Variants in BASP1 observed in about 807,000 individuals in gnomAD.
The protein encoded by BASP1 is brain acid soluble protein 1.
In BASP1, 1 loss-of-function variant was observed where a neutral mutation model predicts 2.2. That is an observed-to-expected ratio of 0.46 (90% CI 0.16 to 2.17). BASP1 has a LOEUF of 2.17. Ranked by LOEUF, BASP1 falls within the 30% of genes most tolerant of loss-of-function variation. The probability of loss-of-function intolerance (pLI) is 0.27; values close to 1 mark genes in which losing one functional copy is unlikely to be tolerated. For missense variants in BASP1, 352 were observed against 327.2 expected (o/e 1.08, Z -0.58); for synonymous variants, 187 against 154.2 (o/e 1.21, Z -1.58).
chr5:17,217,613 AGCG>A (rs968902217), upstream of BASP1: 35 of 155,920 alleles, frequency 2.2e-4, no homozygotes, highest in Non-Finnish European at 4.0e-4. Flanking sequence ...CAGAGGCTGC[AGCG>A]GCGGCGGCGG....
At chr5:17,268,724 T>C (rs934705214) in intron 1 of BASP1, among the ~76,000 whole-genome samples, 1 of 152,298 alleles carries the variant, frequency 6.6e-6, no homozygotes, top group East Asian at 1.9e-4. Context: ...GTAGAGGAGA[T>C]TGTCTCTATT....
At position 17,233,279 on chromosome 5, in the gene BASP1, A is replaced by G. The variant is rs934148974; in HGVS notation, c.-10+15469A>G. ...CATCTCTATAATCTATGCCATAAAC[A>G]CTTGGCACTTTATTAAATCAATACT... On this transcript the variant is annotated intron_variant, in intron 1 of 1. Transcript: ENST00000322611. Among the ~76,000 whole-genome samples, 4 of 152,216 alleles carry G rather than the reference A, an allele frequency of 2.6e-5. No individual in the cohort carries two copies. In the East Asian group the frequency reaches 7.7e-4, roughly 29 times the overall value.
chr5:17,230,147 T>C (rs1029995339), intron 1 of BASP1, among the ~76,000 whole-genome samples: 1 of 152,176 alleles, frequency 6.6e-6, no homozygotes, highest in African/African-American at 2.4e-5. Flanking sequence ...GCCCTTCTTG[T>C]TCTAGACAGA....
rs888287310 is a variant in BASP1, at chr5:17,260,643, AG to A, written c.-9-14562del. Among the ~76,000 whole-genome samples, 1 of 152,188 alleles carries A rather than the reference AG, an allele frequency of 6.6e-6. No homozygotes were observed. The highest frequency in any genetic ancestry group is 2.4e-5 in the African/African-American group (1 of 41,444). ...AAGTTACATAACCCAACTTCTAGTCAGGGACTCTTCCATCTTACAGTTCATA... is the reference window on the plus strand; with the variant it reads ...AAGTTACATAACCCAACTTCTAGTCAGGACTCTTCCATCTTACAGTTCATA... On this transcript the variant is annotated intron_variant, in intron 1 of 1. Coordinates refer to ENST00000322611, the MANE Select transcript of BASP1 (RefSeq NM_006317.5). The surrounding 1 kb of genome is among the most constrained non-coding windows in gnomAD (Gnocchi z 4.2).
At chr5:17,274,045 T>A (rs1407156763) in intron 1 of BASP1, among the ~76,000 whole-genome samples, 1 of 152,166 alleles carries the variant, frequency 6.6e-6, no homozygotes, top group Non-Finnish European at 1.5e-5. Context: ...TATAAATTTA[T>A]AATTTATTAT....
chr5:17,275,209 A>G lies in BASP1; in HGVS notation c.-8A>G. 6.2e-7 allele frequency: 1 copy of G among 1,613,052 alleles called. No homozygotes were observed. The highest frequency in any genetic ancestry group is 1.1e-5 in the South Asian group (1 of 91,014). On this transcript the variant is annotated splice_region_variant and 5_prime_UTR_variant, in exon 2 of 2. Coordinates refer to ENST00000322611, the MANE Select transcript of BASP1 (RefSeq NM_006317.5). This position sits in a 1 kb window ranked among gnomAD's most constrained non-coding sequence, Gnocchi z 5.3. ...GTTTTGTTTTGTGTTTGCTTCCAGA[A>G]CTCCAAGATGGGAGGCAAGCTCAGC...
chr5:17,219,827 C>T (rs1401317622), intron 1 of BASP1, among the ~76,000 whole-genome samples: 1 of 152,152 alleles, frequency 6.6e-6, no homozygotes, highest in Non-Finnish European at 1.5e-5. Flanking sequence ...AGGCGAATGG[C>T]GTCCAGATGG....
At chr5:17,231,630 C>T (rs192020104) in intron 1 of BASP1, among the ~76,000 whole-genome samples, 1 of 152,290 alleles carries the variant, frequency 6.6e-6, no homozygotes, top group Admixed American at 6.5e-5. Flanking sequence ...ATATTCTTTT[C>T]CCCACTGTTG....
chr5:17,238,850 A>G (rs890184772), intron 1 of BASP1, among the ~76,000 whole-genome samples: 12 of 152,152 alleles, frequency 7.9e-5, no homozygotes, highest in African/African-American at 2.9e-4. Context: ...GTTATTAATC[A>G]TCTGTTTTCC....
rs530857325 is a variant in BASP1 at position 17,275,983 on chromosome 5, A to G, written c.*83A>G. On this transcript the variant is annotated 3_prime_UTR_variant, in exon 2 of 2. Coordinates refer to ENST00000322611, the MANE Select transcript of BASP1 (RefSeq NM_006317.5). This position sits in a 1 kb window ranked among gnomAD's most constrained non-coding sequence, Gnocchi z 5.3. ...TCTCTCTCTCTCTATCTCTCTCTCTATCTCCTCTCTCTCTCTCCTCTCCTA... is the reference window on the plus strand; with the variant it reads ...TCTCTCTCTCTCTATCTCTCTCTCTGTCTCCTCTCTCTCTCTCCTCTCCTA... The G allele has an allele frequency of 3.8e-5, 45 of 1,191,634 alleles. No homozygotes were observed. In the African/African-American group the frequency reaches 6.4e-4, roughly 17 times the overall value. 73.8% of individuals were successfully genotyped at this position (1,191,634 alleles called of 1,614,324 possible).
intron 1 of BASP1, among the ~76,000 whole-genome samples, chr5:17,228,841 T>G (rs867312688): frequency 6.6e-6 from 1 of 152,224 alleles, no homozygotes; most frequent in South Asian, 2.1e-4. Context: ...TCTTTGTCTT[T>G]TCTTCAGTGA....
rs1404388383 is a variant in BASP1, at chr5:17,275,694, C to G, written c.478C>G (p.Gln160Glu). 6.3e-7 allele frequency: 1 copy of G among 1,597,880 alleles called. No homozygotes were observed. Among genetic ancestry groups the G allele is most frequent in the Admixed American group, 1.7e-5 (1 of 57,790 alleles). The change falls in exon 2 of 2, where the codon CAG (glutamine) becomes GAG (glutamate). Residue 160 changes from glutamine to glutamate, a missense_variant. Transcript: ENST00000322611. This position sits in a 1 kb window ranked among gnomAD's most constrained non-coding sequence, Gnocchi z 5.3. Reference protein sequence around the residue: ...KTEAPAAPAAQETKSDGAPAS... With the variant: ...KTEAPAAPAAEETKSDGAPAS... ...TGAGGCGCCCGCAGCTCCTGCCGCC[C>G]AGGAGACCAAAAGTGACGGGGCCCC...
At chr5:17,218,192 A>G (rs895986342) in intron 1 of BASP1, among the ~76,000 whole-genome samples, 2 of 146,246 alleles carry the variant, frequency 1.4e-5, no homozygotes, top group African/African-American at 5.0e-5. Context: ...CTGTGGGCTG[A>G]AGGGAGCGCT....
chr5:17,262,889 C>T (rs1365740571), intron 1 of BASP1, among the ~76,000 whole-genome samples: 4 of 151,878 alleles, frequency 2.6e-5, no homozygotes, highest in African/African-American at 9.7e-5. Flanking sequence ...CTCTGGCGCC[C>T]AGGCTGGAGT....
intron 1 of BASP1, among the ~76,000 whole-genome samples, chr5:17,258,930 A>G (rs936208115): frequency 6.6e-6 from 1 of 152,228 alleles, no homozygotes; most frequent in African/African-American, 2.4e-5. Flanking sequence ...ATTTGAATTT[A>G]TAAGGAGGGA....
chr5:17,253,761 G>A (rs986576379), intron 1 of BASP1, among the ~76,000 whole-genome samples: 1 of 152,026 alleles, frequency 6.6e-6, no homozygotes, highest in African/African-American at 2.4e-5. Flanking sequence ...TGTGCATCCC[G>A]ATACCTGGGG....
intron 1 of BASP1, chr5:17,240,626 GCA>G (rs1739843786): frequency 6.6e-6 from 1 of 152,150 alleles, no homozygotes; most frequent in Non-Finnish European, 1.5e-5. Context: ...CACTTCATCA[GCA>G]CATATACTAA....
In BASP1 at chr5:17,225,470, C is replaced by T. The variant is rs563927076; in HGVS notation, c.-10+7660C>T. On this transcript the variant is annotated intron_variant, in intron 1 of 1. Transcript: ENST00000322611. ...ATGTGCACGTGGTTTCCTTTATATG[C>T]CAAAAAGTATATGGCATGCACTGAA... Among the ~76,000 whole-genome samples the T allele has an allele frequency of 2.6e-5, 4 of 152,230 alleles. No individual in the cohort carries two copies. The East Asian group carries it at 7.7e-4, about 29-fold the overall frequency.
At chr5:17,238,541 G>A (rs969010787) in intron 1 of BASP1, among the ~76,000 whole-genome samples, 1 of 152,178 alleles carries the variant, frequency 6.6e-6, no homozygotes, top group Non-Finnish European at 1.5e-5. Context: ...AACCATGGAA[G>A]CTGGGATAAA....
Sources: allele counts gnomAD v4.1 joint callset (sites outside exome capture counted in the v4.1 genomes callset), GRCh38; gene constraint gnomAD v4.1.1; non-coding constraint Gnocchi (gnomAD v3.1); transcripts MANE v1.5; gene names NCBI Gene and HGNC (gene_info 2026-07-23, HGNC 2026-07-21).